CAMKK2: variants seen among roughly 807,000 people sequenced by gnomAD.
CAMKK2 encodes the protein calcium/calmodulin-dependent protein kinase kinase 2.
A neutral mutation model predicts 67.2 loss-of-function variants in CAMKK2; 30 were observed. That is an observed-to-expected ratio of 0.45 (90% confidence interval 0.33 to 0.61). CAMKK2 has a LOEUF of 0.61. CAMKK2 is among the 20% of genes least tolerant of loss of function. CAMKK2 has a pLI of 0.02. For missense variants in CAMKK2, 643 were observed against 802.0 expected (o/e 0.80, Z 2.39); for synonymous variants, 322 against 326.2 (o/e 0.99, Z 0.14).
At chr12:121,273,438 T>C (rs991951747) in intron 2 of CAMKK2, among the ~76,000 whole-genome samples, 5 of 152,082 alleles carry the variant, frequency 3.3e-5, no homozygotes, top group Non-Finnish European at 5.9e-5. Context: ...CTGTGAACCC[T>C]GGTGAGGATC....
At position 121,239,897 on chromosome 12, in the gene CAMKK2, C is replaced by G. The variant is rs200791838; in HGVS notation, c.*802G>C. On this transcript the variant is annotated 3_prime_UTR_variant, in exon 17 of 17. Coordinates refer to ENST00000404169, the MANE Select transcript of CAMKK2 (RefSeq NM_001270485.2). ...GTACATGGAAGCATAGGATTTCACCCTGAAGTTTTCGTAATTTGACAAAGA... is the reference window on the plus strand; with the variant it reads ...GTACATGGAAGCATAGGATTTCACCGTGAAGTTTTCGTAATTTGACAAAGA... 5.1e-5 allele frequency: 8 copies of G among 155,516 alleles called. No individual in the cohort carries two copies. The highest frequency in any genetic ancestry group is 7.2e-5 in the African/African-American group (3 of 41,448). 9.6% of individuals were successfully genotyped at this position (155,516 alleles called of 1,614,324 possible).
intron 6 of CAMKK2, among the ~76,000 whole-genome samples, chr12:121,260,952 C>CA (rs1056645998): frequency 0.072 from 6,621 of 91,832 alleles, 392 homozygotes; most frequent in African/African-American, 0.18. Context: ...GACTCTGTCT[C>CA]AAAAAAAAAA....
chr12:121,288,738 C>G (rs909308503), intron 1 of CAMKK2, among the ~76,000 whole-genome samples: 1 of 152,152 alleles, frequency 6.6e-6, no homozygotes, highest in Non-Finnish European at 1.5e-5. Context: ...CTCCCACCCC[C>G]CTTTCCTCCG....
intron 1 of CAMKK2, among the ~76,000 whole-genome samples, chr12:121,295,102 G>A (rs1476704404): frequency 5.9e-5 from 9 of 152,244 alleles, no homozygotes; most frequent in South Asian, 2.1e-4. Flanking sequence ...CCCGGGAGGC[G>A]GAGGTTGCAG....
rs1887998089 is a variant in CAMKK2, at chr12:121,239,475, TG to T, written c.*1223del. Reference sequence around the variant, plus strand: ...TTTCCTCATACCCCAACGAGTGCTGTGGGTTTCAACAGTCTTCTCTAAAAGG... The same window carrying T: ...TTTCCTCATACCCCAACGAGTGCTGTGGTTTCAACAGTCTTCTCTAAAAGG... On this transcript the variant is annotated 3_prime_UTR_variant, in exon 17 of 17. Coordinates refer to ENST00000404169, the MANE Select transcript of CAMKK2 (RefSeq NM_001270485.2). 1 of 152,192 alleles carries T rather than the reference TG, an allele frequency of 6.6e-6. No homozygotes were observed. Among genetic ancestry groups the T allele is most frequent in the Admixed American group, 6.5e-5 (1 of 15,282 alleles). The allele number at this position is 152,192 out of a possible 1,614,324, so 9.4% of individuals were successfully genotyped here. A position where few individuals can be genotyped will look rare whatever the true frequency, so the allele number is the denominator to read the frequency against.
chr12:121,295,013 T>C (rs12581628), intron 1 of CAMKK2, among the ~76,000 whole-genome samples: 9,546 of 152,006 alleles, frequency 0.063, 465 homozygotes, highest in South Asian at 0.14. Context: ...CTACTAAAAA[T>C]ACAGAAATTA....
chr12:121,250,161 G>A, intron 11 of CAMKK2, 127 bp from the exon 12 acceptor site: 1 of 753,400 alleles, frequency 1.3e-6, no homozygotes, highest in Non-Finnish European at 2.3e-6. Context: ...CAGGCTAGGG[G>A]GCAAGCAGTT....
intron 1 of CAMKK2, among the ~76,000 whole-genome samples, chr12:121,288,479 A>G (rs966003573): frequency 6.6e-6 from 1 of 152,188 alleles, no homozygotes; most frequent in Non-Finnish European, 1.5e-5. Context: ...GTCCAGGATG[A>G]ACCGAATAAA....
chr12:121,242,511 G>A (rs543099450), intron 16 of CAMKK2, among the ~76,000 whole-genome samples: 3 of 152,332 alleles, frequency 2.0e-5, no homozygotes, highest in Admixed American at 2.0e-4. Context: ...CATCATCCGT[G>A]AGGCTCACAC....
At chr12:121,262,088 G>A (rs1893565858) in intron 6 of CAMKK2, among the ~76,000 whole-genome samples, 1 of 152,216 alleles carries the variant, frequency 6.6e-6, no homozygotes, top group African/African-American at 2.4e-5. Context: ...CTGATGATAT[G>A]TGATGTCACA....
intron 5 of CAMKK2, among the ~76,000 whole-genome samples, chr12:121,265,157 C>G (rs531789777): frequency 3.3e-5 from 5 of 152,172 alleles, no homozygotes; most frequent in Admixed American, 2.0e-4. Context: ...CAGTGAAAAC[C>G]CTCACGATGG....
intron 14 of CAMKK2, among the ~76,000 whole-genome samples, chr12:121,246,258 G>GC (rs1889434118): frequency 1.5e-5 from 2 of 134,122 alleles, no homozygotes; most frequent in African/African-American, 5.6e-5. Flanking sequence ...AGGAGCGGGG[G>GC]GGGGGAGGCG....
intron 2 of CAMKK2, among the ~76,000 whole-genome samples, chr12:121,273,836 C>G (rs1032607303): frequency 8.5e-5 from 13 of 152,144 alleles, no homozygotes; most frequent in African/African-American, 2.9e-4. Flanking sequence ...CTCCATGACC[C>G]ACCCTTTGCT....
rs201284534 is a variant in CAMKK2, at chr12:121,252,656, C to G, written c.1161+5G>C. On this transcript the variant is annotated splice_donor_5th_base_variant and intron_variant, in intron 11 of 16. Coordinates refer to ENST00000404169, the MANE Select transcript of CAMKK2 (RefSeq NM_001270485.2). ...ACTGAGGGGACAGACACCCCGCCCT[C>G]TTACCTGGCCAAAGACAAAGCAGTA... 1 of 1,614,172 alleles carries G rather than the reference C, an allele frequency of 6.2e-7. No homozygotes were observed. The highest frequency in any genetic ancestry group is 2.2e-5 in the East Asian group (1 of 44,884).
chr12:121,247,362 C>T (rs960496075), intron 14 of CAMKK2, among the ~76,000 whole-genome samples: 2 of 152,170 alleles, frequency 1.3e-5, no homozygotes, highest in Admixed American at 1.3e-4. Context: ...AGAAACCACT[C>T]GGTGTTCAAC....
intron 5 of CAMKK2, among the ~76,000 whole-genome samples, chr12:121,264,631 G>A (rs958958956): frequency 9.2e-5 from 14 of 152,010 alleles, no homozygotes; most frequent in Non-Finnish European, 1.6e-4. Context: ...AAAATTAGCC[G>A]GGCGTGGTGG....
At chr12:121,257,160 G>T (rs1275561337) in intron 7 of CAMKK2, among the ~76,000 whole-genome samples, 2 of 152,020 alleles carry the variant, frequency 1.3e-5, no homozygotes, top group South Asian at 2.1e-4. Context: ...TCCATGATGG[G>T]ATTATTATGC....
intron 1 of CAMKK2, among the ~76,000 whole-genome samples, chr12:121,290,454 A>G (rs1312840354): frequency 6.6e-6 from 1 of 152,208 alleles, no homozygotes; most frequent in East Asian, 1.9e-4. Flanking sequence ...TTTGGAGGCC[A>G]AGGCAGGAGG....
chr12:121,289,581 C>T (rs188448791), intron 1 of CAMKK2, among the ~76,000 whole-genome samples: 5 of 152,256 alleles, frequency 3.3e-5, no homozygotes, highest in South Asian at 2.1e-4. Flanking sequence ...CATCAGAAAA[C>T]GAGCATAATT....
Sources: allele counts gnomAD v4.1 joint callset (sites outside exome capture counted in the v4.1 genomes callset), GRCh38; gene constraint gnomAD v4.1.1; transcripts MANE v1.5; gene names NCBI Gene and HGNC (gene_info 2026-07-23, HGNC 2026-07-21).